Variants in CACNB4 observed in about 807,000 individuals in gnomAD.
CACNB4 encodes voltage-dependent L-type calcium channel subunit beta-4.
In CACNB4, 32 loss-of-function variants were observed where a neutral mutation model predicts 71.2. The observed-to-expected ratio is 0.45, with a 90% CI of 0.34 to 0.60. The LOEUF is 0.60. Ranked by LOEUF, CACNB4 falls within the 20% of genes least tolerant of loss-of-function variation. The pLI is 0.01. For synonymous variants in CACNB4, 231 were observed against 236.9 expected (o/e 0.97, Z 0.23); for missense variants, 464 against 647.9 (o/e 0.72, Z 3.08).
At chr2:152,023,110 G>A (rs948343076) in intron 2 of CACNB4, among the ~76,000 whole-genome samples, 3 of 151,698 alleles carry the variant, frequency 2.0e-5, no homozygotes, top group South Asian at 4.2e-4. Flanking sequence ...GGGTCCATGA[G>A]GGGGTGAGAG....
chr2:151,925,696 G>GGGGTGGGGA (rs2099860055), intron 2 of CACNB4, among the ~76,000 whole-genome samples: 1 of 151,762 alleles, frequency 6.6e-6, no homozygotes, highest in South Asian at 2.1e-4. Context: ...GAGCAGGGAG[G>GGGGTGGGGA]GGGTGGGGAG....
intron 2 of CACNB4, among the ~76,000 whole-genome samples, chr2:151,893,008 A>C (rs138085048): frequency 2.6e-5 from 4 of 152,260 alleles, no homozygotes; most frequent in Admixed American, 6.5e-5. Flanking sequence ...TAAAGGAAGA[A>C]TAAAAGAGAA....
At chr2:151,997,680 G>A (rs1292584542) in intron 2 of CACNB4, among the ~76,000 whole-genome samples, 7 of 152,134 alleles carry the variant, frequency 4.6e-5, no homozygotes, top group Admixed American at 2.0e-4. Flanking sequence ...GTCAAGGAAC[G>A]AAATTCTCCC....
At chr2:151,994,261 ACT>A (rs1681908904) in intron 2 of CACNB4, among the ~76,000 whole-genome samples, 1 of 151,294 alleles carries the variant, frequency 6.6e-6, no homozygotes, top group Non-Finnish European at 1.5e-5. Context: ...ACACTGTCTC[ACT>A]CTGTCGCCCA....
intron 2 of CACNB4, among the ~76,000 whole-genome samples, chr2:151,941,971 T>C (rs2099864376): frequency 6.6e-6 from 1 of 152,158 alleles, no homozygotes; most frequent in Admixed American, 6.5e-5. Context: ...AACCCTAACA[T>C]GGAGGGGATG....
intron 2 of CACNB4, among the ~76,000 whole-genome samples, chr2:151,902,037 T>C (rs912432555): frequency 1.1e-4 from 5 of 44,332 alleles, no homozygotes; most frequent in African/African-American, 1.9e-4. Flanking sequence ...ATCACCTTTT[T>C]TTTTTTTTTT....
intron 12 of CACNB4, chr2:151,853,208 C>T: frequency 2.4e-6 from 1 of 408,734 alleles, no homozygotes; most frequent in East Asian, 4.9e-5. Flanking sequence ...AACAAGGTAG[C>T]AGTGAGAAGA....
At chr2:152,082,405 G>A (rs1348113168) in intron 2 of CACNB4, among the ~76,000 whole-genome samples, 8 of 152,202 alleles carry the variant, frequency 5.3e-5, no homozygotes, top group Admixed American at 5.2e-4. Flanking sequence ...GCAAAATACA[G>A]TCATTCCTCA....
At chr2:151,925,468 C>T (rs2151585381) in intron 2 of CACNB4, among the ~76,000 whole-genome samples, 1 of 152,252 alleles carries the variant, frequency 6.6e-6, no homozygotes, top group Non-Finnish European at 1.5e-5. Context: ...CATTTAAAAT[C>T]CTATCAAGTT....
chr2:151,847,691 CATCTCTTTTAAAAAATACAAAA>C (rs1223229333), intron 12 of CACNB4, among the ~76,000 whole-genome samples: 3 of 152,090 alleles, frequency 2.0e-5, no homozygotes, highest in Admixed American at 1.3e-4. Flanking sequence ...AGTTTGAGAC[CATCTCTTTTAAAAAATACAAAA>C]ATCTCTTTTA....
chr2:151,937,372 G>A (rs2099863172), intron 2 of CACNB4, among the ~76,000 whole-genome samples: 1 of 152,122 alleles, frequency 6.6e-6, no homozygotes, highest in Admixed American at 6.6e-5. Context: ...AAGAACTCTG[G>A]GAGAGGCATT....
intron 2 of CACNB4, among the ~76,000 whole-genome samples, chr2:152,092,677 G>T (rs1335676248): frequency 6.6e-6 from 1 of 151,492 alleles, no homozygotes; most frequent in Admixed American, 6.6e-5. Flanking sequence ...ATCATTACAC[G>T]CAGGGTGGCT....
intron 2 of CACNB4, chr2:151,969,820 T>C (rs997013441): frequency 1.3e-5 from 2 of 152,246 alleles, no homozygotes; most frequent in Non-Finnish European, 2.9e-5. Flanking sequence ...CATATTAAGT[T>C]TGTAAAATTT....
intron 2 of CACNB4, among the ~76,000 whole-genome samples, chr2:151,888,811 G>C (rs1406034193): frequency 2.0e-5 from 3 of 152,104 alleles, no homozygotes; most frequent in African/African-American, 4.8e-5. Flanking sequence ...GGATAGATTT[G>C]GGAATCAATA....
intron 12 of CACNB4, chr2:151,852,740 G>A (rs2099839387): frequency 6.6e-6 from 1 of 152,228 alleles, no homozygotes; most frequent in Non-Finnish European, 1.5e-5. Flanking sequence ...CTACACAAGT[G>A]TATAAAACAA....
At chr2:151,909,179 C>A (rs2099855542) in intron 2 of CACNB4, among the ~76,000 whole-genome samples, 1 of 149,902 alleles carries the variant, frequency 6.7e-6, no homozygotes, top group African/African-American at 2.4e-5. Context: ...CCTGTATTCC[C>A]AGCACTTTGG....
chr2:152,065,568 G>A (rs139894087), intron 2 of CACNB4, among the ~76,000 whole-genome samples: 5 of 152,266 alleles, frequency 3.3e-5, no homozygotes, highest in African/African-American at 4.8e-5. Context: ...GGTCTTGAAG[G>A]ACTTCACACA....
intron 12 of CACNB4, among the ~76,000 whole-genome samples, chr2:151,847,230 A>C (rs2099837828): frequency 6.6e-6 from 1 of 152,108 alleles, no homozygotes; most frequent in Non-Finnish European, 1.5e-5. Flanking sequence ...AAATCAAAAA[A>C]TGAGCTGGGC....
At chr2:152,015,518 C>G (rs1683294647) in intron 2 of CACNB4, among the ~76,000 whole-genome samples, 1 of 152,198 alleles carries the variant, frequency 6.6e-6, no homozygotes, top group Non-Finnish European at 1.5e-5. Flanking sequence ...TGGGGACACA[C>G]TGCCTTGCAG....
Sources: allele counts gnomAD v4.1 joint callset (sites outside exome capture counted in the v4.1 genomes callset), GRCh38; gene constraint gnomAD v4.1.1; transcripts MANE v1.5; gene names NCBI Gene and HGNC (gene_info 2026-07-23, HGNC 2026-07-21).